The following ITGA11 variants were observed in gnomAD, a reference collection of about 807,000 sequenced individuals.
ITGA11 encodes integrin subunit alpha 11, also known as integrin alpha-11.
A neutral mutation model predicts 141.9 loss-of-function variants in ITGA11; 97 were observed. The ratio of observed to expected loss-of-function variants is 0.68; its 90% CI spans 0.58 to 0.81. The LOEUF is 0.81. Among genes scored for constraint, ITGA11 ranks in the 30% least tolerant of loss-of-function variants. The probability of loss-of-function intolerance (pLI) is 0.00; values close to 1 mark genes in which losing one functional copy is unlikely to be tolerated. For synonymous variants in ITGA11, 658 were observed against 624.6 expected (o/e 1.05, Z -0.80); for missense variants, 1,387 against 1,559.2 (o/e 0.89, Z 1.86).
At chr15:68,383,970 C>A (rs553751092) in intron 2 of ITGA11, among the ~76,000 whole-genome samples, 141 of 152,210 alleles carry the variant, frequency 9.3e-4, no homozygotes, top group Non-Finnish European at 1.8e-3. Flanking sequence ...GAACTGCCCA[C>A]GTTAAATTTA....
intron 2 of ITGA11, among the ~76,000 whole-genome samples, chr15:68,373,472 A>AG (rs917394790): frequency 4.6e-5 from 7 of 152,162 alleles, no homozygotes; most frequent in African/African-American, 1.2e-4. Flanking sequence ...CATGCATAGG[A>AG]GTTCAATGGA....
intron 1 of ITGA11, among the ~76,000 whole-genome samples, chr15:68,410,922 T>C (rs191433779): frequency 6.6e-6 from 1 of 152,322 alleles, no homozygotes; most frequent in African/African-American, 2.4e-5. Context: ...GATACTGCCC[T>C]TGGGGACCTG....
chr15:68,378,777 G>A (rs1895788446), intron 2 of ITGA11, among the ~76,000 whole-genome samples: 2 of 152,230 alleles, frequency 1.3e-5, no homozygotes, highest in African/African-American at 2.4e-5. Flanking sequence ...CCTGATGGCT[G>A]GACATAGAGG....
At chr15:68,352,413 G>A (rs1007594119) in intron 7 of ITGA11, among the ~76,000 whole-genome samples, 34 of 151,940 alleles carry the variant, frequency 2.2e-4, no homozygotes, top group Non-Finnish European at 3.5e-4. Context: ...GTCTGGTCTC[G>A]AACTCCTGGC....
intron 2 of ITGA11, among the ~76,000 whole-genome samples, chr15:68,381,068 G>A (rs1046913182): frequency 5.3e-5 from 8 of 152,076 alleles, no homozygotes; most frequent in Non-Finnish European, 1.0e-4. Context: ...AGCCTGGAAC[G>A]GAGTTAACCT....
At chr15:68,415,095 A>G (rs1043816235) in intron 1 of ITGA11, among the ~76,000 whole-genome samples, 1 of 151,872 alleles carries the variant, frequency 6.6e-6, no homozygotes, top group African/African-American at 2.4e-5. Flanking sequence ...CCAAATGACT[A>G]CCCCTGGGTG....
At chr15:68,375,523 G>A (rs2140368979) in intron 2 of ITGA11, among the ~76,000 whole-genome samples, 1 of 151,540 alleles carries the variant, frequency 6.6e-6, no homozygotes, top group Non-Finnish European at 1.5e-5. Context: ...GGGTGTAGAT[G>A]GAGAATCTGG....
At chr15:68,391,882 T>C (rs1480059611) in intron 2 of ITGA11, among the ~76,000 whole-genome samples, 2 of 152,184 alleles carry the variant, frequency 1.3e-5, no homozygotes, top group African/African-American at 2.4e-5. Flanking sequence ...AATAAACAAA[T>C]ATTGGTCAAA....
intron 2 of ITGA11, among the ~76,000 whole-genome samples, chr15:68,388,428 C>G (rs745686077): frequency 2.6e-5 from 4 of 152,040 alleles, no homozygotes; most frequent in Non-Finnish European, 5.9e-5. Context: ...TAAAGTTGAG[C>G]CCTCAATTCA....
At chr15:68,347,547 G>A (rs1304605082) in intron 10 of ITGA11, among the ~76,000 whole-genome samples, 2 of 152,060 alleles carry the variant, frequency 1.3e-5, no homozygotes, top group East Asian at 2.0e-4. Context: ...AAAAGTCTGA[G>A]TGTGAGTGGC....
rs370092794 is a variant in ITGA11 at position 68,423,813 on chromosome 15, G to A, written c.52+8202C>T. On this transcript the variant is annotated intron_variant, in intron 1 of 29. Transcript: ENST00000315757. ...GCAGGCCGGCCTCCTCCTTCTTGTT[G>A]ATGGAGTATTCCTTCCTCACCCAGC... 2.5e-3 allele frequency among the ~76,000 whole-genome samples: 388 copies of A among 152,198 alleles called. 4 individuals are homozygous for A. The highest frequency in any genetic ancestry group is 9.0e-3 in the African/African-American group (372 of 41,516).
chr15:68,428,346 T>G (rs1897192551), intron 1 of ITGA11, among the ~76,000 whole-genome samples: 1 of 151,978 alleles, frequency 6.6e-6, no homozygotes, highest in South Asian at 2.1e-4. Context: ...GAAAAAGAGG[T>G]TCAGAGAGGG....
At chr15:68,399,322 C>A (rs914793110) in intron 2 of ITGA11, among the ~76,000 whole-genome samples, 1 of 152,078 alleles carries the variant, frequency 6.6e-6, no homozygotes, top group Non-Finnish European at 1.5e-5. Context: ...TCCAGAGTAA[C>A]AGTTGTTGGC....
rs1491348865 is a variant in ITGA11 at position 68,302,456 on chromosome 15, C to CA, written c.*602dup. The CA allele has an allele frequency of 1.3e-5, 2 of 150,544 alleles. No individual in the cohort carries two copies. Among genetic ancestry groups the CA allele is most frequent in the Non-Finnish European group, 3.0e-5 (2 of 66,940 alleles). 9.3% of individuals were successfully genotyped at this position (150,544 alleles called of 1,614,324 possible). A position where few individuals can be genotyped will look rare whatever the true frequency, so the allele number is the denominator to read the frequency against. On this transcript the variant is annotated 3_prime_UTR_variant, in exon 30 of 30. Coordinates refer to ENST00000315757, the MANE Select transcript of ITGA11 (RefSeq NM_001004439.2). Reference sequence around the variant, plus strand: ...TGCCTGGCCATCAGTCTCCACATCTCAGAGTCTTTCTTCATCCCTGGCTTG... The same window carrying CA: ...TGCCTGGCCATCAGTCTCCACATCTCAAGAGTCTTTCTTCATCCCTGGCTTG...
At chr15:68,387,913 C>T (rs1484683387) in intron 2 of ITGA11, among the ~76,000 whole-genome samples, 1 of 152,114 alleles carries the variant, frequency 6.6e-6, no homozygotes, top group Non-Finnish European at 1.5e-5. Context: ...GGACGTTCTG[C>T]AGTCTGTCGT....
chr15:68,337,422 AG>A (rs1370395153), intron 11 of ITGA11, among the ~76,000 whole-genome samples: 2 of 152,124 alleles, frequency 1.3e-5, no homozygotes, highest in African/African-American at 4.8e-5. Context: ...CTTCCCCTGT[AG>A]GGCTCCTCTC....
chr15:68,358,417 T>C, intron 6 of ITGA11, 41 bp downstream of exon 6: 1 of 1,565,400 alleles, frequency 6.4e-7, no homozygotes, highest in South Asian at 1.2e-5. Context: ...TGGGTTTGGG[T>C]GGCCCTGTTC....
chr15:68,404,238 A>G (rs958034516), intron 1 of ITGA11, among the ~76,000 whole-genome samples: 15 of 151,998 alleles, frequency 9.9e-5, no homozygotes, highest in African/African-American at 3.1e-4. Context: ...CCCAGTGGCC[A>G]TGGGCGCCGG....
intron 20 of ITGA11, among the ~76,000 whole-genome samples, chr15:68,318,269 C>T (rs1282806418): frequency 6.6e-6 from 1 of 152,194 alleles, no homozygotes; most frequent in Non-Finnish European, 1.5e-5. Flanking sequence ...TACCTCCACT[C>T]ATTTCCAAAA....
Sources: gnomAD v4.1 joint callset for allele counts (sites outside exome capture counted in the v4.1 genomes callset) on GRCh38, gnomAD v4.1.1 for gene constraint, MANE v1.5 for transcripts, NCBI Gene and HGNC (gene_info 2026-07-23, HGNC 2026-07-21) for gene names.